Variants in CNGA1 observed in about 807,000 individuals in gnomAD.
CNGA1 encodes cyclic nucleotide-gated channel alpha-1.
CNGA1 carries 53 observed loss-of-function variants against 69.7 expected under a neutral mutation model. That is an observed-to-expected ratio of 0.76 (90% CI 0.61 to 0.96). The LOEUF (loss-of-function observed/expected upper bound fraction) is 0.96, where lower values mean the gene tolerates loss of function less well. Ranked by LOEUF, CNGA1 falls within the 40% of genes least tolerant of loss-of-function variation. The pLI is 0.00. For missense variants in CNGA1, 739 were observed against 811.2 expected, an observed-to-expected ratio of 0.91 and a Z score of 1.08; for synonymous variants, 249 against 283.5, an observed-to-expected ratio of 0.88 and a Z score of 1.22.
chr4:48,012,684 A>G (rs1002331690), intron 1 of CNGA1, among the ~76,000 whole-genome samples: 3 of 126,272 alleles, frequency 2.4e-5, no homozygotes, highest in Non-Finnish European at 5.6e-5. Flanking sequence ...AACCCTGATC[A>G]AGTTGGATAG....
In CNGA1 at chr4:47,951,441, A is replaced by G. The variant is rs370181922; in HGVS notation, c.136T>C (p.Ser46Pro). 13 of 1,613,494 alleles carry G rather than the reference A, an allele frequency of 8.1e-6. No individual in the cohort carries two copies. Among genetic ancestry groups the G allele is most frequent in the Non-Finnish European group, 8.5e-7 (1 of 1,179,482 alleles). ...TCATTCTCTGATTCTTCAGATGTAG[A>G]GGCACTGTCATCATCCTCAGAAAAG... ...SSFSEDDDSASTSEESENENP... is the reference protein window; with the variant it reads ...SSFSEDDDSAPTSEESENENP... Residue 46 changes from serine to proline, a missense_variant, in exon 5 of 11, where the codon TCT becomes CCT. Transcript: ENST00000514170.
At chr4:47,988,988 A>G (rs1742117127) in intron 2 of CNGA1, among the ~76,000 whole-genome samples, 1 of 152,148 alleles carries the variant, frequency 6.6e-6, no homozygotes, top group African/African-American at 2.4e-5. Context: ...TTTTAAAAAA[A>G]AAAAGGATAT....
intron 2 of CNGA1, among the ~76,000 whole-genome samples, chr4:48,002,944 T>C (rs1477103998): frequency 3.3e-5 from 5 of 152,154 alleles, no homozygotes; most frequent in Admixed American, 1.3e-4. Flanking sequence ...ATTTAAACCA[T>C]AGCCTAAATA....
intron 1 of CNGA1, among the ~76,000 whole-genome samples, chr4:48,011,198 T>A (rs1017180248): frequency 6.6e-6 from 1 of 152,058 alleles, no homozygotes; most frequent in Admixed American, 6.5e-5. Context: ...CTTTCCCAGC[T>A]AGGCTTGGGG....
At chr4:47,979,596 G>C (rs889099389) in intron 3 of CNGA1, among the ~76,000 whole-genome samples, 1 of 152,114 alleles carries the variant, frequency 6.6e-6, no homozygotes, top group Non-Finnish European at 1.5e-5. Context: ...CCTAGCGTTA[G>C]AGTAGGAACT....
intron 2 of CNGA1, among the ~76,000 whole-genome samples, chr4:47,986,244 C>G (rs1014219944): frequency 6.6e-5 from 10 of 152,004 alleles, no homozygotes; most frequent in Non-Finnish European, 1.5e-4. Context: ...CCCATCTCTA[C>G]TAAAATACAA....
At chr4:47,960,084 C>T (rs1740340755) in intron 3 of CNGA1, among the ~76,000 whole-genome samples, 1 of 151,928 alleles carries the variant, frequency 6.6e-6, no homozygotes, top group Admixed American at 6.6e-5. Context: ...ATAAAAACAA[C>T]CCAATAAAAA....
chr4:47,973,043 G>C (rs1741126602), intron 3 of CNGA1, among the ~76,000 whole-genome samples: 1 of 149,656 alleles, frequency 6.7e-6, no homozygotes, highest in African/African-American at 2.5e-5. Context: ...GGCTGATATA[G>C]TACACAGACT....
At chr4:47,943,150 C>T (rs1426033300) in intron 8 of CNGA1, 31 bp downstream of exon 8, 23 of 1,470,598 alleles carry the variant, frequency 1.6e-5, no homozygotes, top group Non-Finnish European at 2.1e-5. Context: ...TCACAATTTC[C>T]TTCTATTTCA....
chr4:47,987,160 C>G (rs533602770), intron 2 of CNGA1, among the ~76,000 whole-genome samples: 1 of 152,238 alleles, frequency 6.6e-6, no homozygotes, highest in South Asian at 2.1e-4. Flanking sequence ...ATCTTGTTCC[C>G]TGTCTTGCTT....
intron 3 of CNGA1, among the ~76,000 whole-genome samples, chr4:47,955,373 G>T (rs961927321): frequency 6.6e-6 from 1 of 151,968 alleles, no homozygotes; most frequent in African/African-American, 2.4e-5. Context: ...ACTAGAGACA[G>T]GGTTTCGCCA....
chr4:47,938,976 GAAAA>G (rs1416684007), intron 10 of CNGA1, among the ~76,000 whole-genome samples: 3 of 138,102 alleles, frequency 2.2e-5, no homozygotes, highest in African/African-American at 8.3e-5. Context: ...AAGAAAGAAA[GAAAA>G]GAAAGAAAGA....
rs1236990671 is a variant in CNGA1, at chr4:47,937,536, A to G, written c.946T>C (p.Ser316Pro). 1 of 1,614,232 alleles carries G rather than the reference A, an allele frequency of 6.2e-7. No individual in the cohort carries two copies. The highest frequency in any genetic ancestry group is 8.5e-7 in the Non-Finnish European group (1 of 1,180,032). ...CCAAATCCAATAGCTTTAGAAATAG[A>G]GTAGAACACACATGCATTCCAGTGG... The part of the protein sequence containing the change: ...IIHWNACVFY[S>P]ISKAIGFGND... The change falls in exon 11 of 11, where the codon TCT (serine) becomes CCT (proline). Residue 316 changes from serine to proline, a missense_variant. Physicochemically the swap from Ser to Pro is moderately conservative, Grantham distance 74. Coordinates refer to ENST00000514170, the MANE Select transcript of CNGA1 (RefSeq NM_001379270.1).
Position 47,936,938 on chromosome 4 carries a change from A to G in CNGA1, c.1544T>C (p.Ile515Thr), listed in dbSNP as rs774732831. The G allele has an allele frequency of 6.2e-7, 1 of 1,614,124 alleles. No individual in the cohort carries two copies. The highest frequency in any genetic ancestry group is 1.1e-5 in the South Asian group (1 of 91,076). Residue 515 changes from isoleucine to threonine, a missense_variant, in exon 11 of 11, where the codon ATC becomes ACC. Ile to Thr is a moderately conservative substitution (Grantham distance 89). Transcript: ENST00000514170. Reference protein sequence around the residue: ...KGDIGREMYIIKEGKLAVVAD... With the variant: ...KGDIGREMYITKEGKLAVVAD... ...CACCACAGCGAGTTTGCCTTCCTTGATAATGTACATCTCTCGTCCGATATC... is the reference window on the plus strand; with the variant it reads ...CACCACAGCGAGTTTGCCTTCCTTGGTAATGTACATCTCTCGTCCGATATC...
Position 47,943,307 on chromosome 4 carries a change from T to C in CNGA1, c.330-19A>G, listed in dbSNP as rs1256057669. On this transcript the variant is annotated intron_variant, in intron 7 of 10. Coordinates refer to ENST00000514170, the MANE Select transcript of CNGA1 (RefSeq NM_001379270.1). Reference sequence around the variant, plus strand: ...TGACTTGCTGAAAAAATTAAGCAAGTAGTATTAAAATACAGAAATGTTATG... The same window carrying C: ...TGACTTGCTGAAAAAATTAAGCAAGCAGTATTAAAATACAGAAATGTTATG... 6.5e-7 allele frequency: 1 copy of C among 1,531,038 alleles called. No homozygotes were observed. Among genetic ancestry groups the C allele is most frequent in the South Asian group, 1.2e-5 (1 of 82,074 alleles). 94.8% of individuals were successfully genotyped at this position (1,531,038 alleles called of 1,614,324 possible).
chr4:47,954,794 G>C (rs1357919522), intron 3 of CNGA1, among the ~76,000 whole-genome samples: 1 of 152,180 alleles, frequency 6.6e-6, no homozygotes, highest in Non-Finnish European at 1.5e-5. Flanking sequence ...AAAACCTTAC[G>C]AGCCTTTTTG....
chr4:48,001,050 A>C (rs1714645296), intron 2 of CNGA1, among the ~76,000 whole-genome samples: 1 of 152,228 alleles, frequency 6.6e-6, no homozygotes, highest in Non-Finnish European at 1.5e-5. Context: ...ATTAAAAGCA[A>C]AGATTTTCAG....
chr4:47,973,187 C>T (rs985403390), intron 3 of CNGA1, among the ~76,000 whole-genome samples: 1 of 151,352 alleles, frequency 6.6e-6, no homozygotes, highest in Non-Finnish European at 1.5e-5. Context: ...CCCACCTCAG[C>T]CTCCCAAGTA....
intron 3 of CNGA1, among the ~76,000 whole-genome samples, chr4:47,954,813 G>A (rs1002186915): frequency 2.6e-5 from 4 of 152,208 alleles, no homozygotes; most frequent in Non-Finnish European, 4.4e-5. Context: ...TGAAGGGGGG[G>A]TAAAGCTGAA....
Sources: allele counts gnomAD v4.1 joint callset (sites outside exome capture counted in the v4.1 genomes callset), GRCh38; gene constraint gnomAD v4.1.1; transcripts MANE v1.5; gene names NCBI Gene and HGNC (gene_info 2026-07-23, HGNC 2026-07-21).